The following SHISA6 variants were observed in gnomAD, a reference collection of about 807,000 sequenced individuals.
SHISA6 encodes the protein protein shisa-6.
In SHISA6, 22 loss-of-function variants were observed where a neutral mutation model predicts 47.9. The ratio of observed to expected loss-of-function variants is 0.46; its 90% confidence interval spans 0.33 to 0.66. SHISA6 has a LOEUF of 0.66. Among genes scored for constraint, SHISA6 ranks in the 30% least tolerant of loss-of-function variants. SHISA6 has a pLI of 0.02. For synonymous variants in SHISA6, 388 were observed against 337.8 expected (o/e 1.15, Z -1.63); for missense variants, 680 against 764.6 (o/e 0.89, Z 1.30).
chr17:11,481,364 G>GTATATATATATATATA (rs747477268), intron 3 of SHISA6, among the ~76,000 whole-genome samples: 3 of 134,432 alleles, frequency 2.2e-5, no homozygotes, highest in Admixed American at 1.5e-4. Flanking sequence ...GTGTGTGTGT[G>GTATATATATATATATA]TGTATATATA....
chr17:11,283,212 T>C (rs183813484), intron 2 of SHISA6, among the ~76,000 whole-genome samples: 26 of 152,348 alleles, frequency 1.7e-4, no homozygotes, highest in Non-Finnish European at 3.2e-4. Context: ...TATATAGCAC[T>C]CTTTGAAAGC....
At chr17:11,326,749 A>G (rs1910910439) in intron 2 of SHISA6, among the ~76,000 whole-genome samples, 1 of 152,200 alleles carries the variant, frequency 6.6e-6, no homozygotes, top group Admixed American at 6.5e-5. Flanking sequence ...GCATAGATTG[A>G]ACCACGAGTC....
At chr17:11,335,819 C>G (rs1284212766) in intron 2 of SHISA6, among the ~76,000 whole-genome samples, 2 of 152,200 alleles carry the variant, frequency 1.3e-5, no homozygotes, top group African/African-American at 4.8e-5. Context: ...TCATTTTCCT[C>G]ATTTGTAGAA....
At chr17:11,319,031 T>G (rs1229578936) in intron 2 of SHISA6, among the ~76,000 whole-genome samples, 1 of 151,978 alleles carries the variant, frequency 6.6e-6, no homozygotes, top group South Asian at 2.1e-4. Flanking sequence ...TTGGTTTTTG[T>G]TTTTATTATA....
intron 1 of SHISA6, among the ~76,000 whole-genome samples, chr17:11,243,891 G>A (rs2142130886): frequency 6.6e-6 from 1 of 152,286 alleles, no homozygotes. Context: ...TGTACTCAGG[G>A]AAAACTGCCT....
chr17:11,265,222 A>G (rs1217551498), intron 2 of SHISA6, among the ~76,000 whole-genome samples: 2 of 152,252 alleles, frequency 1.3e-5, no homozygotes, highest in East Asian at 1.9e-4. Context: ...AATCTCCCCA[A>G]GGTGATTCTA....
At chr17:11,520,087 T>C (rs1260852292) in intron 3 of SHISA6, among the ~76,000 whole-genome samples, 1 of 152,196 alleles carries the variant, frequency 6.6e-6, no homozygotes, top group Non-Finnish European at 1.5e-5. Flanking sequence ...AGTCTCCATG[T>C]GGATGATTCT....
chr17:11,482,509 C>G (rs1916247286), intron 3 of SHISA6, among the ~76,000 whole-genome samples: 1 of 152,158 alleles, frequency 6.6e-6, no homozygotes, highest in Non-Finnish European at 1.5e-5. Context: ...TGCGGCTTTT[C>G]TGCCAAGGAA....
At chr17:11,299,034 T>G (rs2142175633) in intron 2 of SHISA6, among the ~76,000 whole-genome samples, 1 of 152,306 alleles carries the variant, frequency 6.6e-6, no homozygotes, top group South Asian at 2.1e-4. Flanking sequence ...ATGGCGAAAA[T>G]ACATCCCCTT....
At chr17:11,517,332 T>C (rs2071593886) in intron 3 of SHISA6, among the ~76,000 whole-genome samples, 1 of 152,192 alleles carries the variant, frequency 6.6e-6, no homozygotes, top group South Asian at 2.1e-4. Context: ...GTATTCATCT[T>C]GCACTCAGTA....
intron 2 of SHISA6, among the ~76,000 whole-genome samples, chr17:11,306,082 A>G (rs1051315640): frequency 6.6e-6 from 1 of 152,214 alleles, no homozygotes; most frequent in African/African-American, 2.4e-5. Context: ...AGCTCATTTT[A>G]CTGAATGCTG....
At chr17:11,347,994 G>T (rs2142218114) in intron 2 of SHISA6, among the ~76,000 whole-genome samples, 1 of 152,274 alleles carries the variant, frequency 6.6e-6, no homozygotes, top group African/African-American at 2.4e-5. Flanking sequence ...GATTGTTTTT[G>T]GACTGCCAGA....
rs141112545 is a variant in SHISA6, at chr17:11,305,867, T to C, written c.799+42341T>C. Among the ~76,000 whole-genome samples, 815 of 152,274 alleles carry C rather than the reference T, an allele frequency of 5.4e-3. 4 individuals carry two copies. Among genetic ancestry groups the C allele is most frequent in the African/African-American group, 0.018 (764 of 41,556 alleles). On this transcript the variant is annotated intron_variant, in intron 2 of 5. Transcript: ENST00000441885. ...TGGGAGATGGGGTGGACTGTCCAGC[T>C]GATGGCCAGGCTCTGATTTTATTAC...
intron 2 of SHISA6, among the ~76,000 whole-genome samples, chr17:11,348,464 A>G (rs1169508672): frequency 6.6e-6 from 1 of 152,148 alleles, no homozygotes; most frequent in Admixed American, 6.5e-5. Context: ...CTCTATATTT[A>G]AAAGAATTAA....
intron 2 of SHISA6, among the ~76,000 whole-genome samples, chr17:11,311,279 CAA>C (rs200852475): frequency 6.1e-4 from 32 of 52,380 alleles, no homozygotes; most frequent in Admixed American, 1.2e-3. Context: ...AAGACTTCGT[CAA>C]AAAAAAAAAA....
At chr17:11,543,427 A>AT (rs1169397705) in intron 3 of SHISA6, among the ~76,000 whole-genome samples, 1 of 152,174 alleles carries the variant, frequency 6.6e-6, no homozygotes, top group Non-Finnish European at 1.5e-5. Flanking sequence ...TAAGAAAACA[A>AT]TTTTTAAAGT....
chr17:11,425,935 CTCAT>C (rs1359907172), intron 3 of SHISA6, among the ~76,000 whole-genome samples: 1 of 152,192 alleles, frequency 6.6e-6, no homozygotes, highest in Non-Finnish European at 1.5e-5. Context: ...CACTGAACCA[CTCAT>C]TGTAGACAGG....
chr17:11,241,794 C>T lies in SHISA6; in HGVS notation c.372C>T (p.Cys124=), dbSNP rs532702937. ...GCTACCTGTACTGCTGCGGTACCTG[C>T]TACTACCGCTTCTGCTGCAAGAAGC... ...ESGYLYCCGT[C]YYRFCCKKRH... is the part of the protein sequence containing the mutation. The change falls in exon 1 of 6, where the codon TGC becomes TGT. Residue 124 remains cysteine, a synonymous_variant. Transcript: ENST00000441885. This position sits in a 1 kb window ranked among gnomAD's most constrained non-coding sequence, Gnocchi z 5.5. 22 of 1,550,258 alleles carry T rather than the reference C, an allele frequency of 1.4e-5. No individual in the cohort carries two copies. The South Asian group carries it at 2.4e-4, about 17-fold the overall frequency.
At chr17:11,435,759 TC>T (rs1213940351) in intron 3 of SHISA6, among the ~76,000 whole-genome samples, 1 of 152,148 alleles carries the variant, frequency 6.6e-6, no homozygotes, top group Non-Finnish European at 1.5e-5. Context: ...ATCAAGTGTA[TC>T]CATAGCTGTG....
Sources: gnomAD v4.1 joint callset for allele counts (sites outside exome capture counted in the v4.1 genomes callset) on GRCh38, gnomAD v4.1.1 for gene constraint, Gnocchi (gnomAD v3.1) non-coding constraint, MANE v1.5 for transcripts, NCBI Gene and HGNC (gene_info 2026-07-23, HGNC 2026-07-21) for gene names.